The following TMEM154 variants were observed in gnomAD, a reference collection of about 807,000 sequenced individuals.
The protein encoded by TMEM154 is transmembrane protein 154.
TMEM154 carries 27 observed loss-of-function variants against 24.5 expected under a neutral mutation model. The ratio of observed to expected loss-of-function variants is 1.10; its 90% CI spans 0.81 to 1.52. The LOEUF (loss-of-function observed/expected upper bound fraction) is 1.52. TMEM154 is among the 40% of genes most tolerant of loss of function. The pLI, the probability that TMEM154 is intolerant of heterozygous loss-of-function variation, is 0.00. For synonymous variants in TMEM154, 67 were observed against 76.8 expected (o/e 0.87, Z 0.67); for missense variants, 228 against 213.4 (o/e 1.07, Z -0.43).
At chr4:152,636,703 G>T (rs958260138) in intron 6 of TMEM154, among the ~76,000 whole-genome samples, 1 of 152,224 alleles carries the variant, frequency 6.6e-6, no homozygotes, top group Non-Finnish European at 1.5e-5. Flanking sequence ...GGTATATTCA[G>T]TGTAGGATGG....
At chr4:152,662,394 C>T (rs1174722977) in intron 1 of TMEM154, among the ~76,000 whole-genome samples, 1 of 151,946 alleles carries the variant, frequency 6.6e-6, no homozygotes, top group East Asian at 1.9e-4. Context: ...GGATCAGCTC[C>T]AAGAGTTTGT....
intron 3 of TMEM154, among the ~76,000 whole-genome samples, chr4:152,652,273 TAA>T (rs11331839): frequency 2.7e-3 from 371 of 134,986 alleles, no homozygotes; most frequent in African/African-American, 4.6e-3. Flanking sequence ...TTCAATTTGT[TAA>T]AAAAAAAAAA....
At chr4:152,675,813 T>C (rs1479825695) in intron 1 of TMEM154, among the ~76,000 whole-genome samples, 5 of 152,178 alleles carry the variant, frequency 3.3e-5, no homozygotes, top group Non-Finnish European at 7.4e-5. Context: ...ACAAACTACA[T>C]ACGAATAGGC....
At chr4:152,638,458 C>T (rs1339150948) in intron 6 of TMEM154, among the ~76,000 whole-genome samples, 4 of 152,146 alleles carry the variant, frequency 2.6e-5, no homozygotes, top group Admixed American at 6.5e-5. Flanking sequence ...AAAAATAATG[C>T]TTCGCCCACC....
intron 6 of TMEM154, among the ~76,000 whole-genome samples, chr4:152,630,641 CACA>C (rs1752021468): frequency 1.3e-5 from 2 of 152,258 alleles, no homozygotes; most frequent in East Asian, 1.9e-4. Context: ...CTCTTTTGTC[CACA>C]ACATTAATCT....
In TMEM154 at chr4:152,619,813, A is replaced by G. The variant is rs1481565739; in HGVS notation, c.*8733T>C. 1.3e-5 allele frequency: 2 copies of G among 152,246 alleles called. No individual in the cohort carries two copies. The highest frequency in any genetic ancestry group is 6.5e-5 in the Admixed American group (1 of 15,286). The allele number at this position is 152,246 out of a possible 1,614,324, so 9.4% of individuals were successfully genotyped here. A position where few individuals can be genotyped will look rare whatever the true frequency, so the allele number is the denominator to read the frequency against. On this transcript the variant is annotated 3_prime_UTR_variant, in exon 7 of 7. Transcript: ENST00000304385. Reference sequence around the variant, plus strand: ...CCAGATCCAGTTGAACTGCCCAGCCAATGCCGTGTGGGAGAGAGTTGAACC... The same window carrying G: ...CCAGATCCAGTTGAACTGCCCAGCCGATGCCGTGTGGGAGAGAGTTGAACC...
At chr4:152,678,249 C>T (rs946286672) in intron 1 of TMEM154, among the ~76,000 whole-genome samples, 22 of 151,854 alleles carry the variant, frequency 1.4e-4, no homozygotes, top group African/African-American at 4.4e-4. Flanking sequence ...AAGATGTGCA[C>T]GATCAGATTC....
intron 1 of TMEM154, among the ~76,000 whole-genome samples, chr4:152,673,115 A>G (rs1728879947): frequency 6.6e-6 from 1 of 152,212 alleles, no homozygotes; most frequent in Non-Finnish European, 1.5e-5. Context: ...CTCACTCGTC[A>G]AAGGTAATTA....
intron 1 of TMEM154, among the ~76,000 whole-genome samples, chr4:152,677,914 C>T (rs944480209): frequency 2.0e-5 from 3 of 152,126 alleles, no homozygotes; most frequent in Non-Finnish European, 4.4e-5. Flanking sequence ...TGTTCACAGC[C>T]AGTTGGGAGG....
chr4:152,635,095 G>T (rs2149778709), intron 6 of TMEM154, among the ~76,000 whole-genome samples: 1 of 152,226 alleles, frequency 6.6e-6, no homozygotes, highest in East Asian at 1.9e-4. Context: ...AATTAGAAGT[G>T]GTCACAAAGA....
At chr4:152,635,554 A>T (rs1752131755) in intron 6 of TMEM154, among the ~76,000 whole-genome samples, 2 of 152,310 alleles carry the variant, frequency 1.3e-5, no homozygotes, top group Admixed American at 1.3e-4. Context: ...TACATCAAAA[A>T]TTATACTTTC....
At chr4:152,666,678 T>C (rs1022850581) in intron 1 of TMEM154, 1 of 152,252 alleles carries the variant, frequency 6.6e-6, no homozygotes, top group Non-Finnish European at 1.5e-5. Context: ...TTTTTAAAAA[T>C]CAATTGTTCA....
chr4:152,664,538 CTTAA>C (rs1728680005), intron 1 of TMEM154, among the ~76,000 whole-genome samples: 2 of 152,098 alleles, frequency 1.3e-5, no homozygotes. Flanking sequence ...TTTTTTAAAG[CTTAA>C]TTAATAAACA....
At chr4:152,671,746 CAAAAAAAAA>C (rs10670541) in intron 1 of TMEM154, among the ~76,000 whole-genome samples, 1 of 66,756 alleles carries the variant, frequency 1.5e-5, no homozygotes, top group Non-Finnish European at 2.5e-5. Context: ...GACTCCGTCT[CAAAAAAAAA>C]AAAAAAAAAA....
At chr4:152,645,839 G>A (rs1752358528) in intron 3 of TMEM154, among the ~76,000 whole-genome samples, 1 of 151,928 alleles carries the variant, frequency 6.6e-6, no homozygotes, top group African/African-American at 2.4e-5. Context: ...TTGCCTTCCA[G>A]GAGCTGCAGG....
intron 1 of TMEM154, among the ~76,000 whole-genome samples, chr4:152,675,470 A>C (rs1268036374): frequency 8.6e-5 from 13 of 152,036 alleles, no homozygotes. Flanking sequence ...TCTACTAAAA[A>C]TACAAAATTA....
intron 5 of TMEM154, among the ~76,000 whole-genome samples, chr4:152,642,425 TTTTAAAGTCCCATTATTGA>T (rs1439419627): frequency 6.6e-6 from 1 of 152,210 alleles, no homozygotes; most frequent in African/African-American, 2.4e-5. Context: ...GCTGTCATCA[TTTTAAAGTCCCATTATTGA>T]TTTACTAAAA....
intron 6 of TMEM154, among the ~76,000 whole-genome samples, chr4:152,631,948 G>A (rs1272645819): frequency 6.6e-6 from 1 of 151,732 alleles, no homozygotes; most frequent in East Asian, 1.9e-4. Context: ...GGGACTACAG[G>A]TGTCTGCCAC....
At chr4:152,658,819 A>T (rs971018299) in intron 1 of TMEM154, among the ~76,000 whole-genome samples, 1 of 26,372 alleles carries the variant, frequency 3.8e-5, no homozygotes, top group Non-Finnish European at 8.7e-5. Context: ...TCTCAAAAGA[A>T]AAAAAAAAAA....
Sources: allele counts gnomAD v4.1 joint callset (sites outside exome capture counted in the v4.1 genomes callset), GRCh38; gene constraint gnomAD v4.1.1; transcripts MANE v1.5; gene names NCBI Gene and HGNC (gene_info 2026-07-23, HGNC 2026-07-21).